MYEF2: variants seen among roughly 807,000 people sequenced by gnomAD.
The protein encoded by MYEF2 is myelin gene expression factor 2.
In MYEF2, 37 loss-of-function variants were observed where a neutral mutation model predicts 75.2. The ratio of observed to expected loss-of-function variants is 0.49; its 90% CI spans 0.38 to 0.65. The LOEUF is 0.65. Ranked by LOEUF, MYEF2 falls within the 30% of genes least tolerant of loss-of-function variation. MYEF2 has a pLI of 0.00. For missense variants in MYEF2, 634 were observed against 771.4 expected (o/e 0.82, Z 2.11); for synonymous variants, 195 against 241.6 (o/e 0.81, Z 1.79).
chr15:48,151,221 C>A (rs1253198145), intron 13 of MYEF2, 50 bp from the exon 14 acceptor site: 7 of 1,445,476 alleles, frequency 4.8e-6, no homozygotes, highest in Non-Finnish European at 6.7e-6. Flanking sequence ...AATAATCATA[C>A]TTTAAAATTC....
Position 48,139,350 on chromosome 15 carries a change from G to C in MYEF2, c.*3558C>G, listed in dbSNP as rs2038984239. On this transcript the variant is annotated 3_prime_UTR_variant, in exon 17 of 17. Coordinates refer to ENST00000324324, the MANE Select transcript of MYEF2 (RefSeq NM_016132.5). ...ATAACAAGATCACTGGAGTTTGTGAGTTGCATATTATATATAAACTGTATT... is the reference window on the plus strand; with the variant it reads ...ATAACAAGATCACTGGAGTTTGTGACTTGCATATTATATATAAACTGTATT... 1 of 537,820 alleles carries C rather than the reference G, an allele frequency of 1.9e-6. No homozygotes were observed. Among genetic ancestry groups the C allele is most frequent in the Non-Finnish European group, 3.3e-6 (1 of 303,064 alleles). The allele number at this position is 537,820 out of a possible 1,614,324, so 33.3% of individuals were successfully genotyped here.
chr15:48,164,168 T>A (rs1328971465), intron 5 of MYEF2, among the ~76,000 whole-genome samples: 1 of 152,228 alleles, frequency 6.6e-6, no homozygotes, highest in Non-Finnish European at 1.5e-5. Flanking sequence ...TGTACCATTC[T>A]AGATGTCATT....
rs1343944067 is a variant in MYEF2 at position 48,140,896 on chromosome 15, GAT to G, written c.*2010_*2011del. ...GAATTTTAGCTGTTACGTATCTTTA[GAT>G]ATGTCATTAAAAATCTGTGCTACCT... On this transcript the variant is annotated 3_prime_UTR_variant, in exon 17 of 17. Coordinates refer to ENST00000324324, the MANE Select transcript of MYEF2 (RefSeq NM_016132.5). 2 of 430,660 alleles carry G rather than the reference GAT, an allele frequency of 4.6e-6. No homozygotes were observed. The highest frequency in any genetic ancestry group is 8.6e-5 in the East Asian group (2 of 23,250). 26.7% of individuals were successfully genotyped at this position (430,660 alleles called of 1,614,324 possible). A position where few individuals can be genotyped will look rare whatever the true frequency, so the allele number is the denominator to read the frequency against.
intron 6 of MYEF2, 139 bp downstream of exon 6, chr15:48,159,474 A>AT (rs2039848823): frequency 1.4e-6 from 1 of 700,970 alleles, no homozygotes; most frequent in South Asian, 1.9e-5. Flanking sequence ...ACGTCAATTG[A>AT]TTTTGAGTTT....
Position 48,142,475 on chromosome 15 carries a change from T to G in MYEF2, c.*433A>C. 1.4e-6 allele frequency: 1 copy of G among 711,206 alleles called. No homozygotes were observed. The highest frequency in any genetic ancestry group is 2.1e-6 in the Non-Finnish European group (1 of 477,408). The allele number at this position is 711,206 out of a possible 1,614,324, so 44.1% of individuals were successfully genotyped here. A position where few individuals can be genotyped will look rare whatever the true frequency, so the allele number is the denominator to read the frequency against. On this transcript the variant is annotated 3_prime_UTR_variant, in exon 17 of 17. Coordinates refer to ENST00000324324, the MANE Select transcript of MYEF2 (RefSeq NM_016132.5). Reference sequence around the variant, plus strand: ...TTAGAATCTAAAACTTACAGTAATTTAAAACCAACCAAAATCACATCCTAA... The same window carrying G: ...TTAGAATCTAAAACTTACAGTAATTGAAAACCAACCAAAATCACATCCTAA...
Position 48,142,577 on chromosome 15 carries a change from A to G in MYEF2, c.*331T>C. 2.1e-6 allele frequency: 1 copy of G among 466,566 alleles called. No individual in the cohort carries two copies. 28.9% of individuals were successfully genotyped at this position (466,566 alleles called of 1,614,324 possible). ...TTTGGGGGGAAAAAATCTATGTTTT[A>G]CCATACAATAAGTTGACAAAAACTG... On this transcript the variant is annotated 3_prime_UTR_variant, in exon 17 of 17. Coordinates refer to ENST00000324324, the MANE Select transcript of MYEF2 (RefSeq NM_016132.5).
rs76332840 is a variant in MYEF2 at position 48,163,706 on chromosome 15, C to T, written c.525+2227G>A. 2.5e-3 allele frequency among the ~76,000 whole-genome samples: 382 copies of T among 152,290 alleles called. 1 individual carries two copies. The highest frequency in any genetic ancestry group is 8.8e-3 in the African/African-American group (367 of 41,560). On this transcript the variant is annotated intron_variant, in intron 5 of 16. Coordinates refer to ENST00000324324, the MANE Select transcript of MYEF2 (RefSeq NM_016132.5). ...TTGACTCTTTTATTAGGGGCTAATG[C>T]AACTGGTAACCTTAATTGACTTGAA...
At chr15:48,154,374 TATAA>T (rs1395130180) in intron 9 of MYEF2, among the ~76,000 whole-genome samples, 1 of 152,150 alleles carries the variant, frequency 6.6e-6, no homozygotes, top group Non-Finnish European at 1.5e-5. Context: ...TTCTCATTGA[TATAA>T]ATATTTATTT....
At chr15:48,168,968 G>A (rs751501461) in intron 1 of MYEF2, 129 bp from the exon 2 acceptor site, 138 of 675,554 alleles carry the variant, frequency 2.0e-4, no homozygotes, top group Non-Finnish European at 2.9e-4. Context: ...CCTCAGCAAA[G>A]TAGCTGGAGA....
intron 9 of MYEF2, among the ~76,000 whole-genome samples, chr15:48,155,838 G>A (rs1043911998): frequency 6.7e-6 from 1 of 148,194 alleles, no homozygotes; most frequent in African/African-American, 2.5e-5. Flanking sequence ...GCAGGGGCAC[G>A]ATCTCAGCTC....
At chr15:48,143,550 C>A (rs1055548266) in intron 16 of MYEF2, among the ~76,000 whole-genome samples, 1 of 152,084 alleles carries the variant, frequency 6.6e-6, no homozygotes, top group South Asian at 2.1e-4. Flanking sequence ...AATCTAATTT[C>A]TATCAGGCTA....
chr15:48,158,134 T>C lies in MYEF2; in HGVS notation c.921+41A>G, dbSNP rs200203296. On this transcript the variant is annotated intron_variant, in intron 8 of 16. Transcript: ENST00000324324. Reference sequence around the variant, plus strand: ...AATGTAGAAGAGAGCCAATAAAAGATCTGAAGAGGTTGGAGGTTGAAGTGA... The same window carrying C: ...AATGTAGAAGAGAGCCAATAAAAGACCTGAAGAGGTTGGAGGTTGAAGTGA... The C allele has an allele frequency of 9.9e-6, 16 of 1,611,898 alleles. No individual in the cohort carries two copies. In the African/African-American group the frequency reaches 1.7e-4, roughly 18 times the overall value.
chr15:48,148,529 G>A (rs1394264845), intron 16 of MYEF2, among the ~76,000 whole-genome samples: 4 of 151,962 alleles, frequency 2.6e-5, no homozygotes, highest in Non-Finnish European at 4.4e-5. Flanking sequence ...TATGCTACCA[G>A]CTAGGTTTCC....
chr15:48,171,761 TA>T (rs1364727626), intron 1 of MYEF2, among the ~76,000 whole-genome samples: 1 of 152,156 alleles, frequency 6.6e-6, no homozygotes, highest in Non-Finnish European at 1.5e-5. Context: ...TGAAAACTCT[TA>T]AGGAAATGAT....
At chr15:48,150,617 G>T (rs111809204) in intron 14 of MYEF2, among the ~76,000 whole-genome samples, 4 of 152,136 alleles carry the variant, frequency 2.6e-5, no homozygotes, top group African/African-American at 9.6e-5. Flanking sequence ...TTACGGGAAA[G>T]GTTCAAGAGG....
chr15:48,155,456 T>A (rs1369407252), intron 9 of MYEF2, among the ~76,000 whole-genome samples: 1 of 152,104 alleles, frequency 6.6e-6, no homozygotes, highest in Non-Finnish European at 1.5e-5. Context: ...ACACATAAGA[T>A]AATAAGATAA....
chr15:48,141,134 A>G lies in MYEF2; in HGVS notation c.*1774T>C. ...ACAGGGGAAACACTAGAAATTCCCG[A>G]TACAGTAATGGGCCTTACTTTATTA... On this transcript the variant is annotated 3_prime_UTR_variant, in exon 17 of 17. Transcript: ENST00000324324. The G allele has an allele frequency of 1.2e-6, 2 of 1,613,576 alleles. No individual in the cohort carries two copies. The highest frequency in any genetic ancestry group is 1.7e-6 in the Non-Finnish European group (2 of 1,179,588).
rs756364197 is a variant in MYEF2, at chr15:48,138,837, T to C, written c.*4071A>G. 1 of 646,270 alleles carries C rather than the reference T, an allele frequency of 1.5e-6. No individual in the cohort carries two copies. Among genetic ancestry groups the C allele is most frequent in the Non-Finnish European group, 2.7e-6 (1 of 369,402 alleles). The allele number at this position is 646,270 out of a possible 1,614,324, so 40.0% of individuals were successfully genotyped here. On this transcript the variant is annotated 3_prime_UTR_variant, in exon 17 of 17. Transcript: ENST00000324324. ...TTCACCAGCAATATCAGTAATGAGG[T>C]ACTCAAATGTTTTAAACAGCCTTTT...
In MYEF2 at chr15:48,142,710, T is replaced by A; in HGVS notation, c.*198A>T. On this transcript the variant is annotated 3_prime_UTR_variant, in exon 17 of 17. Transcript: ENST00000324324. The stretch of plus-strand genomic sequence containing the variant: ...ATTCATTTAAACTGAATGACCAGAC[T>A]TGCTGTCTTTAAAAACCCAAACTTG... The A allele has an allele frequency of 1.9e-6, 1 of 532,600 alleles. No individual in the cohort carries two copies. Among genetic ancestry groups the A allele is most frequent in the South Asian group, 3.2e-5 (1 of 30,916 alleles). The allele number at this position is 532,600 out of a possible 1,614,324, so 33.0% of individuals were successfully genotyped here.
Sources: gnomAD v4.1 joint callset for allele counts (sites outside exome capture counted in the v4.1 genomes callset) on GRCh38, gnomAD v4.1.1 for gene constraint, MANE v1.5 for transcripts, NCBI Gene and HGNC (gene_info 2026-07-23, HGNC 2026-07-21) for gene names.